Variants in LY75 observed in about 807,000 individuals in gnomAD.
LY75 encodes lymphocyte antigen 75.
LY75 carries 185 observed loss-of-function variants against 231.7 expected under a neutral mutation model. The observed-to-expected ratio is 0.80, with a 90% CI of 0.71 to 0.90. The LOEUF is 0.90. Ranked by LOEUF, LY75 falls within the 40% of genes least tolerant of loss-of-function variation. LY75 has a pLI of 0.00. For synonymous variants in LY75, 668 were observed against 689.0 expected, an observed-to-expected ratio of 0.97 and a Z score of 0.48; for missense variants, 1,947 against 2,050.2, an observed-to-expected ratio of 0.95 and a Z score of 0.97.
At chr2:159,860,916 T>C (rs749303080) in intron 14 of LY75, 27 bp from the exon 15 acceptor site, 40 of 1,613,222 alleles carry the variant, frequency 2.5e-5, no homozygotes, top group Non-Finnish European at 8.5e-7. Flanking sequence ...GGCTTGAGAA[T>C]TTAAGACTGA....
chr2:159,874,740 A>AAT (rs1388728737), intron 12 of LY75, among the ~76,000 whole-genome samples: 9 of 10,096 alleles, frequency 8.9e-4, no homozygotes, highest in Non-Finnish European at 1.3e-3. Flanking sequence ...AATATATGTA[A>AAT]ATATATATAT....
intron 24 of LY75, 27 bp downstream of exon 24, chr2:159,842,218 C>A: frequency 6.3e-7 from 1 of 1,595,922 alleles, no homozygotes; most frequent in Non-Finnish European, 8.5e-7. Flanking sequence ...CATAAAGTAC[C>A]ATAGTTATCT....
intron 2 of LY75, among the ~76,000 whole-genome samples, chr2:159,894,380 G>A (rs1685848374): frequency 6.6e-6 from 1 of 152,204 alleles, no homozygotes; most frequent in Admixed American, 6.5e-5. Context: ...GGTGTGATGA[G>A]GCGCTGAAAG....
At position 159,854,459 on chromosome 2, in the gene LY75, GT is replaced by G. The variant is rs760368946; in HGVS notation, c.2495del (p.Asn832ThrfsTer19). On this transcript the variant is annotated frameshift_variant, in exon 18 of 35. Coordinates refer to ENST00000263636, the MANE Select transcript of LY75 (RefSeq NM_002349.4). LOFTEE classifies it high-confidence loss of function. Reference sequence around the variant, plus strand: ...CACAGTACAGGACGGCTTCTTCATAGTTTAGGTGAAGATCAGCAACAAACCA... The same window carrying G: ...CACAGTACAGGACGGCTTCTTCATAGTTAGGTGAAGATCAGCAACAAACCA... The part of the protein sequence containing the change: ...EYWFVADLHL[N>X]YEEAVLYCAS... 5 of 1,613,704 alleles carry G rather than the reference GT, an allele frequency of 3.1e-6. No homozygotes were observed. The South Asian group carries it at 5.5e-5, about 18-fold the overall frequency.
Position 159,858,496 on chromosome 2 carries a change from G to A in LY75, c.2269-20C>T, listed in dbSNP as rs771368419. The A allele has an allele frequency of 3.7e-6, 6 of 1,600,098 alleles. No individual in the cohort carries two copies. The highest frequency in any genetic ancestry group is 2.7e-5 in the African/African-American group (2 of 74,198). On this transcript the variant is annotated intron_variant, in intron 15 of 34. Transcript: ENST00000263636. The stretch of plus-strand genomic sequence containing the variant: ...AAATACCTATAAGAGGAAAAGTATT[G>A]CAGAATATTTTGAAGTTGATACATC...
chr2:159,872,364 A>C, intron 13 of LY75, 87 bp downstream of exon 13: 1 of 1,513,010 alleles, frequency 6.6e-7, no homozygotes, highest in Admixed American at 2.2e-5. Flanking sequence ...TTTTTTTCCA[A>C]CAGAGAGTGA....
intron 23 of LY75, 120 bp from the exon 24 acceptor site, chr2:159,842,494 T>G: frequency 8.2e-7 from 1 of 1,223,878 alleles, no homozygotes; most frequent in East Asian, 3.1e-5. Flanking sequence ...ATGAAGGACC[T>G]GACCATGACA....
intron 2 of LY75, among the ~76,000 whole-genome samples, chr2:159,894,738 G>C (rs1685863224): frequency 6.6e-6 from 1 of 152,180 alleles, no homozygotes; most frequent in Admixed American, 6.5e-5. Context: ...GCTTCAATGG[G>C]GCAGTCATGT....
At position 159,819,725 on chromosome 2, in the gene LY75, C is replaced by T. The variant is rs200652895; in HGVS notation, c.4153+1G>A. 6.2e-7 allele frequency: 1 copy of T among 1,607,606 alleles called. No homozygotes were observed. The highest frequency in any genetic ancestry group is 8.5e-7 in the Non-Finnish European group (1 of 1,178,012). Reference sequence around the variant, plus strand: ...AAAACTCTATATTTTACTATACTTACCCATTTCAATTTTACAAGCAAGAAT... The same window carrying T: ...AAAACTCTATATTTTACTATACTTATCCATTTCAATTTTACAAGCAAGAAT... On this transcript the variant is annotated splice_donor_variant, in intron 29 of 34. Coordinates refer to ENST00000263636, the MANE Select transcript of LY75 (RefSeq NM_002349.4). LOFTEE classifies it high-confidence loss of function.
At chr2:159,859,757 T>C (rs1223750175) in intron 15 of LY75, among the ~76,000 whole-genome samples, 1 of 152,194 alleles carries the variant, frequency 6.6e-6, no homozygotes, top group African/African-American at 2.4e-5. Flanking sequence ...CAAATTTCCA[T>C]GTGAGATGAA....
At chr2:159,829,495 A>T (rs1270700190) in intron 28 of LY75, among the ~76,000 whole-genome samples, 1 of 152,134 alleles carries the variant, frequency 6.6e-6, no homozygotes, top group East Asian at 1.9e-4. Context: ...TTAAAAAAAC[A>T]AACTTCTTTG....
rs1030632985 is a variant in LY75 at position 159,889,401 on chromosome 2, T to A, written c.802+812A>T. Among the ~76,000 whole-genome samples the A allele has an allele frequency of 6.1e-5, 9 of 148,494 alleles. No homozygotes were observed. In the South Asian group the frequency reaches 6.4e-4, roughly 11 times the overall value. ...ATGCCAACAGCCAATTAAAAAAAAATTTTTTTTTTTGTAGAGACGTGGTCT... is the reference window on the plus strand; with the variant it reads ...ATGCCAACAGCCAATTAAAAAAAAAATTTTTTTTTTGTAGAGACGTGGTCT... On this transcript the variant is annotated intron_variant, in intron 4 of 34. Coordinates refer to ENST00000263636, the MANE Select transcript of LY75 (RefSeq NM_002349.4).
intron 12 of LY75, among the ~76,000 whole-genome samples, chr2:159,874,224 AT>A (rs1313745791): frequency 8.3e-5 from 2 of 24,038 alleles, no homozygotes; most frequent in Non-Finnish European, 1.4e-4. Flanking sequence ...ATATATATAA[AT>A]ATATTGTAAA....
chr2:159,815,076 C>T (rs941191964), intron 31 of LY75, among the ~76,000 whole-genome samples: 80 of 148,620 alleles, frequency 5.4e-4, no homozygotes, highest in African/African-American at 2.0e-3. Context: ...TCTCGGCTCA[C>T]TGCAAGCTCC....
intron 20 of LY75, 65 bp downstream of exon 20, chr2:159,853,208 T>C (rs1684454594): frequency 3.3e-6 from 5 of 1,499,376 alleles, no homozygotes; most frequent in Middle Eastern, 1.8e-4. Context: ...AAGATTAAGC[T>C]AGAAACTGAA....
chr2:159,875,415 T>C (rs747939594), intron 12 of LY75, 29 bp downstream of exon 12: 4 of 1,604,430 alleles, frequency 2.5e-6, no homozygotes, highest in Non-Finnish European at 3.4e-6. Flanking sequence ...ATAACTTCAT[T>C]GAAGGATAGA....
At chr2:159,901,924 C>T (rs1686093838) in intron 1 of LY75, among the ~76,000 whole-genome samples, 1 of 152,152 alleles carries the variant, frequency 6.6e-6, no homozygotes, top group African/African-American at 2.4e-5. Context: ...TTCCCCGTAT[C>T]TTTCTTTAAC....
intron 1 of LY75, among the ~76,000 whole-genome samples, chr2:159,901,613 A>G (rs757005302): frequency 1.3e-5 from 2 of 152,236 alleles, no homozygotes; most frequent in African/African-American, 2.4e-5. Context: ...TATACAGTGG[A>G]AAAAGCAGGA....
intron 11 of LY75, among the ~76,000 whole-genome samples, chr2:159,876,706 T>C (rs1685279266): frequency 6.6e-6 from 1 of 151,760 alleles, no homozygotes; most frequent in African/African-American, 2.4e-5. Flanking sequence ...TTACTCTTAG[T>C]GTCTATAAAA....
Sources: allele counts gnomAD v4.1 joint callset (sites outside exome capture counted in the v4.1 genomes callset), GRCh38; gene constraint gnomAD v4.1.1; transcripts MANE v1.5; gene names NCBI Gene and HGNC (gene_info 2026-07-23, HGNC 2026-07-21).